ETV7: variants seen among roughly 807,000 people sequenced by gnomAD.
ETV7 encodes the protein transcription factor ETV7.
In ETV7, 43 loss-of-function variants were observed where a neutral mutation model predicts 39.1. That is an observed-to-expected ratio of 1.10 (90% CI 0.86 to 1.42). ETV7 has a LOEUF of 1.42. ETV7 is among the 40% of genes most tolerant of loss of function. The pLI is 0.00. For synonymous variants in ETV7, 196 were observed against 176.6 expected, an observed-to-expected ratio of 1.11 and a Z score of -0.87; for missense variants, 432 against 442.3, an observed-to-expected ratio of 0.98 and a Z score of 0.21.
chr6:36,364,396 C>G (rs929617125), downstream of ETV7, among the ~76,000 whole-genome samples: 2 of 152,212 alleles, frequency 1.3e-5, no homozygotes, highest in Non-Finnish European at 2.9e-5. Context: ...AGCTAAGGCC[C>G]GGTGAGAAAT....
chr6:36,364,349 C>T (rs1329309105), downstream of ETV7, among the ~76,000 whole-genome samples: 1 of 152,242 alleles, frequency 6.6e-6, no homozygotes, highest in Non-Finnish European at 1.5e-5. Context: ...TCAGGCATGG[C>T]AGGCTGCAGG....
At chr6:36,373,309 C>T in intron 4 of ETV7, 144 bp downstream of exon 4, 2 of 1,009,160 alleles carry the variant, frequency 2.0e-6, no homozygotes, top group Non-Finnish European at 2.7e-6. Flanking sequence ...CAGGAACGCC[C>T]CAGAGCAGGA....
chr6:36,363,100 G>A (rs763622322), downstream of ETV7, among the ~76,000 whole-genome samples: 55 of 152,146 alleles, frequency 3.6e-4, no homozygotes, highest in Non-Finnish European at 6.9e-4. Flanking sequence ...TCCCTCCTAA[G>A]CCAGGTATGC....
At chr6:36,375,353 C>T (rs947165653) in intron 3 of ETV7, among the ~76,000 whole-genome samples, 3 of 152,264 alleles carry the variant, frequency 2.0e-5, no homozygotes, top group Admixed American at 6.5e-5. Context: ...CACCCTCCCT[C>T]CCACCACCAG....
At chr6:36,366,106 G>A (rs185490823), downstream of ETV7, 15 of 809,286 alleles carry the variant, frequency 1.9e-5, no homozygotes, top group Admixed American at 6.2e-5. Context: ...CCCAGGAGGC[G>A]GAAGTTGCAG....
Position 36,368,965 on chromosome 6 carries a change from A to G in ETV7, c.771T>C (p.Asp257=). 6.2e-7 allele frequency: 1 copy of G among 1,614,100 alleles called. No individual in the cohort carries two copies. Among genetic ancestry groups the G allele is most frequent in the Non-Finnish European group, 8.5e-7 (1 of 1,180,016 alleles). The change falls in exon 6 of 8, where the codon GAT becomes GAC. Residue 257 remains aspartate (D), a synonymous_variant. Transcript: ENST00000340181. Reference sequence around the variant, plus strand: ...CCCAGAGTCTGGCGAGCCCATTTGGATCCACAACTCGGAAGATCTTGGCGT... The same window carrying G: ...CCCAGAGTCTGGCGAGCCCATTTGGGTCCACAACTCGGAAGATCTTGGCGT... ...DKDAKIFRVV[D]PNGLARLWGN...
intron 7 of ETV7, among the ~76,000 whole-genome samples, chr6:36,359,176 C>G (rs1772412352): frequency 6.6e-6 from 1 of 152,164 alleles, no homozygotes; most frequent in African/African-American, 2.4e-5. Flanking sequence ...ACAGGCTGGG[C>G]GAAGTGGCTC....
At chr6:36,373,369 A>G in intron 4 of ETV7, 84 bp downstream of exon 4, 1 of 1,408,126 alleles carries the variant, frequency 7.1e-7, no homozygotes, top group Non-Finnish European at 9.3e-7. Context: ...CACCTCTTTC[A>G]TTGCTTCGCC....
At chr6:36,372,722 T>G (rs1426718168) in intron 4 of ETV7, among the ~76,000 whole-genome samples, 1 of 141,376 alleles carries the variant, frequency 7.1e-6, no homozygotes, top group Non-Finnish European at 1.5e-5. Flanking sequence ...AAGGGCAGGA[T>G]ATCAGGCATT....
chr6:36,377,513 T>C (rs1422226746), intron 2 of ETV7, among the ~76,000 whole-genome samples: 4 of 152,044 alleles, frequency 2.6e-5, no homozygotes, highest in Non-Finnish European at 5.9e-5. Flanking sequence ...GTGTAAAGAC[T>C]CAGAGCTCAC....
chr6:36,362,225 C>T (rs2127382589), downstream of ETV7, among the ~76,000 whole-genome samples: 1 of 152,218 alleles, frequency 6.6e-6, no homozygotes, highest in Middle Eastern at 3.4e-3. Context: ...TGGCGTGAAC[C>T]CGGGAGGCAG....
At chr6:36,364,229 C>T (rs1050636835), downstream of ETV7, among the ~76,000 whole-genome samples, 6 of 152,250 alleles carry the variant, frequency 3.9e-5, no homozygotes, top group Admixed American at 3.3e-4. Context: ...GCCGTGAGCC[C>T]GCACTCCTCA....
chr6:36,382,528 G>A (rs1773704471), intron 2 of ETV7, among the ~76,000 whole-genome samples: 1 of 152,150 alleles, frequency 6.6e-6, no homozygotes. Flanking sequence ...TAAAATCTGA[G>A]AAGCCCTGGT....
downstream of ETV7, among the ~76,000 whole-genome samples, chr6:36,364,476 G>A (rs547093181): frequency 1.3e-5 from 2 of 152,234 alleles, no homozygotes; most frequent in African/African-American, 4.8e-5. Context: ...TGGCCCGGGT[G>A]CTAAGTCCCT....
At chr6:36,376,690 C>T (rs536119504) in intron 2 of ETV7, among the ~76,000 whole-genome samples, 83 of 151,388 alleles carry the variant, frequency 5.5e-4, no homozygotes, top group Non-Finnish European at 9.6e-4. Flanking sequence ...GCAGGTGAAT[C>T]GCTCGAACCC....
In ETV7 at chr6:36,368,952, C is replaced by A. The variant is rs1233438987; in HGVS notation, c.784G>T (p.Ala262Ser). The A allele has an allele frequency of 1.9e-6, 3 of 1,614,024 alleles. No homozygotes were observed. Among genetic ancestry groups the A allele is most frequent in the South Asian group, 1.1e-5 (1 of 91,092 alleles). The part of the protein sequence containing the change: ...IFRVVDPNGL[A>S]RLWGNHKNRV... The stretch of plus-strand genomic sequence containing the variant: ...ACCTTGTGATTTCCCCAGAGTCTGG[C>A]GAGCCCATTTGGATCCACAACTCGG... Residue 262 changes from alanine to serine, a missense_variant, in exon 6 of 8, where the codon GCC (alanine) becomes TCC (serine). Ala to Ser is a moderately conservative substitution (Grantham distance 99, BLOSUM62 1). Coordinates refer to ENST00000340181, the MANE Select transcript of ETV7 (RefSeq NM_016135.4).
chr6:36,372,559 G>A (rs993417116), intron 4 of ETV7, among the ~76,000 whole-genome samples: 13 of 151,316 alleles, frequency 8.6e-5, no homozygotes, highest in African/African-American at 2.4e-5. Context: ...CAGGAGAGGA[G>A]TGAGAAGAGG....
chr6:36,360,880 G>T (rs968899022), intron 7 of ETV7, among the ~76,000 whole-genome samples: 3 of 152,142 alleles, frequency 2.0e-5, no homozygotes, highest in South Asian at 2.1e-4. Flanking sequence ...AACTCTCCCT[G>T]GTGCCTCTCA....
intron 7 of ETV7, among the ~76,000 whole-genome samples, chr6:36,355,688 C>T (rs1165386468): frequency 2.6e-5 from 4 of 152,244 alleles, no homozygotes; most frequent in East Asian, 3.8e-4. Flanking sequence ...GCTGGGATTA[C>T]AGGTGTGAGC....
Sources: gnomAD v4.1 joint callset for allele counts (sites outside exome capture counted in the v4.1 genomes callset) on GRCh38, gnomAD v4.1.1 for gene constraint, MANE v1.5 for transcripts, NCBI Gene and HGNC (gene_info 2026-07-23, HGNC 2026-07-21) for gene names.